The following BACH2 variants were observed in gnomAD, a reference collection of about 807,000 sequenced individuals.
BACH2 encodes the protein BACH transcriptional regulator 2, also known as transcription regulator protein BACH2.
BACH2 carries 5 observed loss-of-function variants against 61.8 expected under a neutral mutation model. The observed-to-expected ratio is 0.08, with a 90% CI of 0.04 to 0.17. The LOEUF is 0.17. BACH2 is among the 10% of genes least tolerant of loss of function. BACH2 has a pLI of 1.00. For synonymous variants in BACH2, 446 were observed against 440.1 expected, an observed-to-expected ratio of 1.01 and a Z score of -0.17; for missense variants, 824 against 1,091.1, an observed-to-expected ratio of 0.76 and a Z score of 3.45.
At chr6:89,937,832 A>G (rs1773117737) in intron 8 of BACH2, among the ~76,000 whole-genome samples, 1 of 152,190 alleles carries the variant, frequency 6.6e-6, no homozygotes, top group African/African-American at 2.4e-5. Flanking sequence ...CATCTGGCCA[A>G]CATCAGTTAT....
intron 6 of BACH2, among the ~76,000 whole-genome samples, chr6:89,956,655 G>C (rs1391870799): frequency 6.6e-6 from 1 of 152,174 alleles, no homozygotes; most frequent in Admixed American, 6.5e-5. Context: ...TGTTTCATGA[G>C]ACATCCATTT....
intron 6 of BACH2, among the ~76,000 whole-genome samples, chr6:89,972,326 G>A (rs9359878): frequency 0.089 from 13,559 of 152,174 alleles, 684 homozygotes; most frequent in African/African-American, 0.12. Context: ...CACTGTGGCC[G>A]GGATACAGGC....
intron 6 of BACH2, among the ~76,000 whole-genome samples, chr6:89,990,221 C>T (rs1004241733): frequency 2.6e-5 from 4 of 152,154 alleles, no homozygotes; most frequent in South Asian, 2.1e-4. Context: ...AGACAGGAGT[C>T]GGTGCAAACT....
chr6:90,289,187 G>C (rs149399385), intron 1 of BACH2, among the ~76,000 whole-genome samples: 45 of 152,212 alleles, frequency 3.0e-4, no homozygotes, highest in African/African-American at 8.9e-4. Flanking sequence ...CTACTTCTGG[G>C]AACTGCTAAA....
intron 4 of BACH2, among the ~76,000 whole-genome samples, chr6:90,123,153 C>A (rs781367705): frequency 2.0e-5 from 3 of 152,014 alleles, no homozygotes; most frequent in African/African-American, 4.8e-5. Flanking sequence ...GGCCCTAAAT[C>A]CAAGGGGAGG....
intron 6 of BACH2, among the ~76,000 whole-genome samples, chr6:89,984,098 G>A (rs1340170054): frequency 6.6e-6 from 1 of 152,052 alleles, no homozygotes; most frequent in Non-Finnish European, 1.5e-5. Flanking sequence ...TTTAAATCAG[G>A]CTCAATGGAC....
intron 4 of BACH2, among the ~76,000 whole-genome samples, chr6:90,142,672 T>G (rs1378269330): frequency 6.6e-6 from 1 of 152,188 alleles, no homozygotes; most frequent in Non-Finnish European, 1.5e-5. Context: ...TATTCAGACA[T>G]ATTTCATGTA....
At chr6:90,065,518 G>A (rs1582298671) in intron 5 of BACH2, among the ~76,000 whole-genome samples, 2 of 152,064 alleles carry the variant, frequency 1.3e-5, no homozygotes, top group South Asian at 4.2e-4. Context: ...CTGTTGTAGT[G>A]CAGAAGCAGC....
In BACH2 at chr6:89,951,213, G is replaced by T. The variant is rs1431370886; in HGVS notation, c.893C>A (p.Pro298His). 3.1e-6 allele frequency: 5 copies of T among 1,613,944 alleles called. No homozygotes were observed. In the African/African-American group the frequency reaches 6.7e-5, roughly 22 times the overall value. The change falls in exon 7 of 9, where the codon CCT becomes CAT. Residue 298 changes from proline (P) to histidine (H), a missense_variant. Physicochemically the swap from Pro to His is moderately conservative, Grantham distance 77. This residue lies in a region of BACH2 where 226 missense variants were observed against 228.5 expected (regional missense o/e 0.99). Coordinates refer to ENST00000257749, the MANE Select transcript of BACH2 (RefSeq NM_021813.4). This position sits in a 1 kb window ranked among gnomAD's most constrained non-coding sequence, Gnocchi z 6.4. ...ATCCCCCGCTCTGTCCTTGGCGTCAGGCTCATCTCCAGACAGGCAGAGCGT... is the reference window on the plus strand; with the variant it reads ...ATCCCCCGCTCTGTCCTTGGCGTCATGCTCATCTCCAGACAGGCAGAGCGT... The part of the protein sequence containing the change: ...SITLCLSGDE[P>H]DAKDRAGDVE...
At chr6:90,148,746 G>A (rs1784707845) in intron 4 of BACH2, among the ~76,000 whole-genome samples, 2 of 152,136 alleles carry the variant, frequency 1.3e-5, no homozygotes, top group African/African-American at 4.8e-5. Context: ...GACACATTCA[G>A]GAATGGTAAA....
In BACH2 at chr6:90,296,749, T is replaced by G. The variant is rs536605022; in HGVS notation, c.-715A>C. The G allele has an allele frequency of 6.0e-6, 1 of 165,924 alleles. No homozygotes were observed. Among genetic ancestry groups the G allele is most frequent in the East Asian group, 1.8e-4 (1 of 5,584 alleles). 10.3% of individuals were successfully genotyped at this position (165,924 alleles called of 1,614,324 possible). A position where few individuals can be genotyped will look rare whatever the true frequency, so the allele number is the denominator to read the frequency against. ...TGGCGAGGGCGGCGGCCGCTCACGTTAGCGCTGTGCGACCGCAGCCCGGGC... is the reference window on the plus strand; with the variant it reads ...TGGCGAGGGCGGCGGCCGCTCACGTGAGCGCTGTGCGACCGCAGCCCGGGC... On this transcript the variant is annotated 5_prime_UTR_variant, in exon 1 of 9. Transcript: ENST00000257749.
chr6:90,135,647 G>A (rs1784247003), intron 4 of BACH2, among the ~76,000 whole-genome samples: 1 of 152,146 alleles, frequency 6.6e-6, no homozygotes, highest in Admixed American at 6.5e-5. Flanking sequence ...CCAGGAGGTT[G>A]AGGCTACAGT....
chr6:89,965,061 A>AC (rs1306274222), intron 6 of BACH2, among the ~76,000 whole-genome samples: 4 of 151,846 alleles, frequency 2.6e-5, no homozygotes, highest in African/African-American at 9.7e-5. Flanking sequence ...ATTTTTTTGT[A>AC]TTTTTAGTAG....
At chr6:90,090,526 CAAT>C (rs1782118507) in intron 4 of BACH2, among the ~76,000 whole-genome samples, 2 of 152,114 alleles carry the variant, frequency 1.3e-5, no homozygotes, top group Non-Finnish European at 2.9e-5. Flanking sequence ...AAATTCTAAT[CAAT>C]GATGATCAAA....
chr6:90,268,010 GTTTT>G (rs751492686), intron 2 of BACH2, among the ~76,000 whole-genome samples: 1 of 133,022 alleles, frequency 7.5e-6, no homozygotes, highest in Non-Finnish European at 1.6e-5. Flanking sequence ...TGCCTTTTTT[GTTTT>G]TTTTTTTTTT....
intron 6 of BACH2, among the ~76,000 whole-genome samples, chr6:89,993,414 T>C (rs1204706629): frequency 1.3e-5 from 2 of 152,064 alleles, no homozygotes; most frequent in Non-Finnish European, 2.9e-5. Context: ...TAAACTGTGA[T>C]TTAAAAAAAG....
intron 5 of BACH2, among the ~76,000 whole-genome samples, chr6:90,022,085 A>C (rs560712177): frequency 6.6e-6 from 1 of 152,348 alleles, no homozygotes; most frequent in East Asian, 1.9e-4. Context: ...AAAAACTGAC[A>C]ATGGTTTTTA....
chr6:90,001,147 C>T (rs1459791151), intron 6 of BACH2: 1 of 152,274 alleles, frequency 6.6e-6, no homozygotes, highest in Non-Finnish European at 1.5e-5. Flanking sequence ...CTGTTGCATA[C>T]TGAAGGCAAT....
In BACH2 at chr6:89,932,388, T is replaced by A; in HGVS notation, c.*20A>T. On this transcript the variant is annotated 3_prime_UTR_variant, in exon 9 of 9. Coordinates refer to ENST00000257749, the MANE Select transcript of BACH2 (RefSeq NM_021813.4). Reference sequence around the variant, plus strand: ...GCCTGGATGGGAGAGGTGTGCGGACTGGGAGGCAGAGCCGAGTCACTAGGT... The same window carrying A: ...GCCTGGATGGGAGAGGTGTGCGGACAGGGAGGCAGAGCCGAGTCACTAGGT... The A allele has an allele frequency of 1.2e-6, 2 of 1,600,594 alleles. No individual in the cohort carries two copies. Among genetic ancestry groups the A allele is most frequent in the Non-Finnish European group, 1.7e-6 (2 of 1,169,268 alleles).
Sources: gnomAD v4.1 joint callset for allele counts (sites outside exome capture counted in the v4.1 genomes callset) on GRCh38, gnomAD v4.1.1 for gene constraint, gnomAD v4.1.1 regional missense constraint, Gnocchi (gnomAD v3.1) non-coding constraint, MANE v1.5 for transcripts, NCBI Gene and HGNC (gene_info 2026-07-23, HGNC 2026-07-21) for gene names.